Variants in CCDC50 observed in about 807,000 individuals in gnomAD.
The protein encoded by CCDC50 is coiled-coil domain containing 50.
Under a neutral mutation model 70.2 loss-of-function variants are expected in CCDC50, and 54 were observed. That is an observed-to-expected ratio of 0.77 (90% CI 0.62 to 0.96). The LOEUF (loss-of-function observed/expected upper bound fraction) is 0.96. Among genes scored for constraint, CCDC50 ranks in the 50% least tolerant of loss-of-function variants. The probability of loss-of-function intolerance (pLI) is 0.00; values close to 1 mark genes in which losing one functional copy is unlikely to be tolerated. For synonymous variants in CCDC50, 216 were observed against 198.8 expected (o/e 1.09, Z -0.73); for missense variants, 558 against 578.7 (o/e 0.96, Z 0.37).
intron 11 of CCDC50, among the ~76,000 whole-genome samples, chr3:191,391,200 A>G (rs901458300): frequency 2.6e-5 from 4 of 152,194 alleles, no homozygotes; most frequent in Non-Finnish European, 5.9e-5. Context: ...CAAGTCAATA[A>G]TAATGTCCCC....
chr3:191,334,281 G>T (rs1718075245), intron 1 of CCDC50, among the ~76,000 whole-genome samples: 1 of 152,128 alleles, frequency 6.6e-6, no homozygotes, highest in Non-Finnish European at 1.5e-5. Context: ...ACCAAAAATG[G>T]CTTTCACAAA....
intron 5 of CCDC50, among the ~76,000 whole-genome samples, chr3:191,371,958 C>T (rs1712928522): frequency 6.6e-6 from 1 of 152,112 alleles, no homozygotes; most frequent in South Asian, 2.1e-4. Context: ...GAGGTATATT[C>T]ACTGTAAACG....
At chr3:191,384,920 T>A (rs1303102664) in intron 10 of CCDC50, among the ~76,000 whole-genome samples, 1 of 152,204 alleles carries the variant, frequency 6.6e-6, no homozygotes. Context: ...ATACAATATT[T>A]AGTTTTCTGT....
intron 1 of CCDC50, among the ~76,000 whole-genome samples, chr3:191,336,230 T>C (rs1324707218): frequency 6.6e-6 from 1 of 152,104 alleles, no homozygotes; most frequent in African/African-American, 2.4e-5. Flanking sequence ...ATGTTAAAAT[T>C]GTCAAACTGT....
chr3:191,389,853 C>CTT (rs10635756), intron 11 of CCDC50, among the ~76,000 whole-genome samples: 14,027 of 84,124 alleles, frequency 0.17, 2,013 homozygotes, highest in Non-Finnish European at 0.19. Flanking sequence ...ATCAAATTCA[C>CTT]TTTTTTTTTT....
rs201205599 is a variant in CCDC50, at chr3:191,382,840, G to A, written c.1322+15G>A. The A allele has an allele frequency of 6.3e-7, 1 of 1,587,954 alleles. No individual in the cohort carries two copies. The highest frequency in any genetic ancestry group is 1.3e-5 in the African/African-American group (1 of 74,322). On this transcript the variant is annotated intron_variant, in intron 10 of 11. Transcript: ENST00000392455. Reference sequence around the variant, plus strand: ...AGGCCAGCACGGTAAGCTGACACCTGAAAAGAAAAATGAGGAAGTTGACTT... The same window carrying A: ...AGGCCAGCACGGTAAGCTGACACCTAAAAAGAAAAATGAGGAAGTTGACTT...
At chr3:191,358,217 C>T (rs941709302) in intron 3 of CCDC50, 93 bp downstream of exon 3, 1 of 1,424,576 alleles carries the variant, frequency 7.0e-7, no homozygotes, top group Non-Finnish European at 9.8e-7. Context: ...TACTTCTGTT[C>T]CTCTGATTCC....
At chr3:191,391,590 A>G in intron 11 of CCDC50, 151 bp from the exon 12 acceptor site, 1 of 733,408 alleles carries the variant, frequency 1.4e-6, no homozygotes. Flanking sequence ...CTAAACTAAC[A>G]CATTGATTCT....
chr3:191,381,416 A>C (rs964228280), intron 9 of CCDC50, among the ~76,000 whole-genome samples: 17 of 152,122 alleles, frequency 1.1e-4, no homozygotes, highest in Admixed American at 1.1e-3. Flanking sequence ...ATTATTATTT[A>C]TGTCACAGTG....
At position 191,375,230 on chromosome 3, in the gene CCDC50, C is replaced by T. The variant is rs138153104; in HGVS notation, c.617C>T (p.Ser206Phe). 1.2e-3 allele frequency: 1,958 copies of T among 1,613,812 alleles called. 3 individuals are homozygous for T. The highest frequency in any genetic ancestry group is 1.5e-3 in the Non-Finnish European group (1,805 of 1,179,826). Residue 206 changes from serine (S) to phenylalanine (F), a missense_variant, in exon 6 of 12, where the codon TCC becomes TTC. Transcript: ENST00000392455. ...QHCSSKRSLSSSSSGKGRDNP... is the reference protein window; with the variant it reads ...QHCSSKRSLSFSSSGKGRDNP... ...TGTTCATCGAAGAGATCCCTGTCAT[C>T]CTCTAGCTCGGGCAAAGGGAGGGAC...
rs889809475 is a variant in CCDC50 at position 191,335,247 on chromosome 3, G to C, written c.49+5524G>C. Reference sequence around the variant, plus strand: ...TGAAATCCCAGTTCTCCAAGGTACAGAAGCATATTTAGAAGTGAATTGCTT... The same window carrying C: ...TGAAATCCCAGTTCTCCAAGGTACACAAGCATATTTAGAAGTGAATTGCTT... On this transcript the variant is annotated intron_variant, in intron 1 of 11. Transcript: ENST00000392455. 2.6e-5 allele frequency among the ~76,000 whole-genome samples: 4 copies of C among 152,182 alleles called. No homozygotes were observed. In the South Asian group the frequency reaches 8.3e-4, roughly 31 times the overall value.
chr3:191,346,963 A>G lies in CCDC50; in HGVS notation c.50-10125A>G, dbSNP rs1403686494. ...AGGAAACTAGGAAGCCCAGTCTGCCATTTAGGACCATTATTATTGGAAATA... is the reference window on the plus strand; with the variant it reads ...AGGAAACTAGGAAGCCCAGTCTGCCGTTTAGGACCATTATTATTGGAAATA... On this transcript the variant is annotated intron_variant, in intron 1 of 11. Transcript: ENST00000392455. 5.0e-5 allele frequency among the ~76,000 whole-genome samples: 5 copies of G among 99,208 alleles called. 2 individuals carry two copies. The Admixed American group carries it at 5.4e-4, about 11-fold the overall frequency. The allele number at this position is 99,208 out of a possible 152,430, so 65.1% of individuals were successfully genotyped here.
At position 191,392,695 on chromosome 3, in the gene CCDC50, A is replaced by G. The variant is rs982846966; in HGVS notation, c.*935A>G. On this transcript the variant is annotated 3_prime_UTR_variant, in exon 12 of 12. Coordinates refer to ENST00000392455, the MANE Select transcript of CCDC50 (RefSeq NM_178335.3). ...TTAAATTAATTCAACATGAAGTTGAATTTGATGAAGTGGTCATCTATCCAA... is the reference window on the plus strand; with the variant it reads ...TTAAATTAATTCAACATGAAGTTGAGTTTGATGAAGTGGTCATCTATCCAA... 2.6e-5 allele frequency: 4 copies of G among 152,230 alleles called. No individual in the cohort carries two copies. The highest frequency in any genetic ancestry group is 4.4e-5 in the Non-Finnish European group (3 of 68,040). 9.4% of individuals were successfully genotyped at this position (152,230 alleles called of 1,614,324 possible). A position where few individuals can be genotyped will look rare whatever the true frequency, so the allele number is the denominator to read the frequency against.
chr3:191,376,104 G>A (rs1193129805), intron 6 of CCDC50, among the ~76,000 whole-genome samples: 1 of 152,140 alleles, frequency 6.6e-6, no homozygotes, highest in Non-Finnish European at 1.5e-5. Flanking sequence ...CAAATAATAT[G>A]CCTCAGTTCA....
At chr3:191,367,954 C>T (rs983431242) in intron 4 of CCDC50, among the ~76,000 whole-genome samples, 4 of 151,924 alleles carry the variant, frequency 2.6e-5, no homozygotes, top group Non-Finnish European at 5.9e-5. Flanking sequence ...TGATAGATTA[C>T]TTTGTAAGAT....
Position 191,375,409 on chromosome 3 carries a change from G to A in CCDC50, c.796G>A (p.Glu266Lys). 1 of 1,613,738 alleles carries A rather than the reference G, an allele frequency of 6.2e-7. No homozygotes were observed. The highest frequency in any genetic ancestry group is 1.3e-5 in the African/African-American group (1 of 75,000). Residue 266 changes from glutamate to lysine, a missense_variant, in exon 6 of 12, where the codon GAA becomes AAA. Glu to Lys is a moderately conservative substitution (Grantham distance 56). Coordinates refer to ENST00000392455, the MANE Select transcript of CCDC50 (RefSeq NM_178335.3). ...GATTAACCATCAGACTCGAAATTGG[G>A]AAAAACAGTCTCGACACCAAGATCG... The part of the protein sequence containing the change: ...TKINHQTRNW[E>K]KQSRHQDRLS...
intron 1 of CCDC50, among the ~76,000 whole-genome samples, chr3:191,343,532 A>T (rs905166289): frequency 4.6e-5 from 7 of 152,250 alleles, no homozygotes; most frequent in African/African-American, 1.7e-4. Flanking sequence ...GAACAATTTA[A>T]AAACAGCAGA....
chr3:191,370,570 C>T (rs1158906409), intron 5 of CCDC50, among the ~76,000 whole-genome samples: 1 of 151,418 alleles, frequency 6.6e-6, no homozygotes, highest in Non-Finnish European at 1.5e-5. Flanking sequence ...CTCACTGCAG[C>T]CTCCCTCTCC....
intron 10 of CCDC50, among the ~76,000 whole-genome samples, chr3:191,387,135 T>A (rs186881721): frequency 6.6e-6 from 1 of 152,342 alleles, no homozygotes; most frequent in African/African-American, 2.4e-5. Flanking sequence ...GAATGAACTC[T>A]GTCATGTTCT....
Sources: allele counts gnomAD v4.1 joint callset (sites outside exome capture counted in the v4.1 genomes callset), GRCh38; gene constraint gnomAD v4.1.1; transcripts MANE v1.5; gene names NCBI Gene and HGNC (gene_info 2026-07-23, HGNC 2026-07-21).